The following HS6ST3 variants were observed in gnomAD, a reference collection of about 807,000 sequenced individuals.
The protein encoded by HS6ST3 is heparan sulfate 6-O-sulfotransferase 3, also known as heparan-sulfate 6-O-sulfotransferase 3.
Under a neutral mutation model 36.7 loss-of-function variants are expected in HS6ST3, and 12 were observed. The observed-to-expected ratio is 0.33, with a 90% CI of 0.21 to 0.53. The LOEUF (loss-of-function observed/expected upper bound fraction) is 0.53. HS6ST3 is among the 20% of genes least tolerant of loss of function. HS6ST3 has a pLI of 0.95. For missense variants in HS6ST3, 584 were observed against 640.9 expected (o/e 0.91, Z 0.96); for synonymous variants, 240 against 257.5 (o/e 0.93, Z 0.65).
chr13:96,519,575 A>G (rs879617773), intron 1 of HS6ST3, among the ~76,000 whole-genome samples: 7 of 152,230 alleles, frequency 4.6e-5, no homozygotes, highest in Admixed American at 4.6e-4. Flanking sequence ...AGATGAGTAA[A>G]TAATGGTTCT....
chr13:96,435,502 C>T (rs1566360307), intron 1 of HS6ST3, among the ~76,000 whole-genome samples: 1 of 152,150 alleles, frequency 6.6e-6, no homozygotes, highest in Non-Finnish European at 1.5e-5. Context: ...TGCTCCTTTC[C>T]CCATTTATTC....
At chr13:96,606,791 G>T (rs1172873422) in intron 1 of HS6ST3, among the ~76,000 whole-genome samples, 2 of 151,910 alleles carry the variant, frequency 1.3e-5, no homozygotes, top group Non-Finnish European at 2.9e-5. Context: ...TTTAAAAAAA[G>T]AAAGAACAGA....
chr13:96,157,421 A>G (rs2054115514), intron 1 of HS6ST3, among the ~76,000 whole-genome samples: 2 of 152,256 alleles, frequency 1.3e-5, no homozygotes, highest in Non-Finnish European at 2.9e-5. Flanking sequence ...GCTGGCAGGA[A>G]GAGATATTTC....
intron 1 of HS6ST3, among the ~76,000 whole-genome samples, chr13:96,230,921 A>G (rs996182390): frequency 1.5e-4 from 23 of 152,272 alleles, no homozygotes; most frequent in African/African-American, 5.5e-4. Context: ...AAACAGAAAG[A>G]CGTGAAGATA....
intron 1 of HS6ST3, among the ~76,000 whole-genome samples, chr13:96,329,228 T>C (rs2055051050): frequency 1.4e-5 from 2 of 147,390 alleles, no homozygotes; most frequent in South Asian, 4.5e-4. Context: ...TGCTAGCTTT[T>C]GAATGTGTTT....
intron 1 of HS6ST3, among the ~76,000 whole-genome samples, chr13:96,544,795 A>C (rs182257618): frequency 6.6e-6 from 1 of 152,232 alleles, no homozygotes; most frequent in African/African-American, 2.4e-5. Flanking sequence ...GTGAGTGGTA[A>C]ATTACTACGG....
At chr13:96,715,811 T>G (rs1875681445) in intron 1 of HS6ST3, among the ~76,000 whole-genome samples, 1 of 152,142 alleles carries the variant, frequency 6.6e-6, no homozygotes. Flanking sequence ...TCATATACAG[T>G]TTTAAGAAAC....
chr13:96,152,922 A>C (rs1566894648), intron 1 of HS6ST3, among the ~76,000 whole-genome samples: 1 of 152,156 alleles, frequency 6.6e-6, no homozygotes, highest in East Asian at 1.9e-4. Context: ...ATTGCTGTAC[A>C]CTTTTCTATA....
chr13:96,405,122 G>GT (rs2055471035), intron 1 of HS6ST3, among the ~76,000 whole-genome samples: 1 of 152,162 alleles, frequency 6.6e-6, no homozygotes, highest in African/African-American at 2.4e-5. Flanking sequence ...AAATTGCCCA[G>GT]TCTCAGGTAT....
At chr13:96,538,960 C>T (rs4362239) in intron 1 of HS6ST3, among the ~76,000 whole-genome samples, 23,732 of 152,050 alleles carry the variant, frequency 0.16, 2,440 homozygotes, top group African/African-American at 0.29. Context: ...ACAGATCCCT[C>T]GTTCTGTGTT....
intron 1 of HS6ST3, among the ~76,000 whole-genome samples, chr13:96,474,576 A>G (rs1464514361): frequency 6.6e-6 from 1 of 150,660 alleles, no homozygotes; most frequent in African/African-American, 2.4e-5. Flanking sequence ...AACAAAATAT[A>G]GCATTTGCTA....
At chr13:96,382,772 A>G (rs1206626597) in intron 1 of HS6ST3, among the ~76,000 whole-genome samples, 1 of 152,328 alleles carries the variant, frequency 6.6e-6, no homozygotes, top group East Asian at 1.9e-4. Context: ...CAATATTTGC[A>G]TCTGAAAAAT....
In HS6ST3 at chr13:96,801,014, C is replaced by A. The variant is rs143265881; in HGVS notation, c.708-31476C>A. 7.3e-3 allele frequency among the ~76,000 whole-genome samples: 1,109 copies of A among 152,236 alleles called. 9 individuals carry two copies. The highest frequency in any genetic ancestry group is 0.024 in the African/African-American group (1,008 of 41,560). ...TCTCAACCCAATCCAATCATGTTTT[C>A]ATCTCATGGCTCCCTAGAAATCCGT... On this transcript the variant is annotated intron_variant, in intron 1 of 1. Transcript: ENST00000376705.
At chr13:96,486,866 C>T (rs926754067) in intron 1 of HS6ST3, among the ~76,000 whole-genome samples, 2 of 152,106 alleles carry the variant, frequency 1.3e-5, no homozygotes, top group Non-Finnish European at 2.9e-5. Flanking sequence ...ACTAAGATGA[C>T]TAGCGTTATT....
At chr13:96,443,604 A>T (rs1186726479) in intron 1 of HS6ST3, among the ~76,000 whole-genome samples, 1 of 152,170 alleles carries the variant, frequency 6.6e-6, no homozygotes, top group Non-Finnish European at 1.5e-5. Flanking sequence ...GAATCATAAC[A>T]CAAATTTCTA....
Position 96,344,757 on chromosome 13 carries a change from G to T in HS6ST3, c.707+253188G>T, listed in dbSNP as rs2055145748. Among the ~76,000 whole-genome samples, 4 of 152,096 alleles carry T rather than the reference G, an allele frequency of 2.6e-5. No homozygotes were observed. The South Asian group carries it at 8.3e-4, about 32-fold the overall frequency. ...CTGTTTCTGTTTAATGAAGGTCATT[G>T]CTTGTGAACAATGTTGTTGTTCAGG... is the stretch of plus-strand genomic sequence containing the variant. On this transcript the variant is annotated intron_variant, in intron 1 of 1. Transcript: ENST00000376705.
At chr13:96,645,416 A>C (rs1020944174) in intron 1 of HS6ST3, among the ~76,000 whole-genome samples, 1 of 151,498 alleles carries the variant, frequency 6.6e-6, no homozygotes, top group Admixed American at 6.6e-5. Flanking sequence ...AATGGAATCT[A>C]TAAGAGTCAT....
intron 1 of HS6ST3, among the ~76,000 whole-genome samples, chr13:96,193,490 C>T (rs978298512): frequency 7.2e-5 from 11 of 152,026 alleles, no homozygotes; most frequent in Non-Finnish European, 1.2e-4. Context: ...AGCTGTGAAA[C>T]ATGCTGGGGG....
At chr13:96,487,768 A>G (rs534273437) in intron 1 of HS6ST3, among the ~76,000 whole-genome samples, 2 of 152,258 alleles carry the variant, frequency 1.3e-5, no homozygotes, top group South Asian at 2.1e-4. Flanking sequence ...GACCATTCAT[A>G]TTTGGCTTAT....
Sources: allele counts gnomAD v4.1 joint callset (sites outside exome capture counted in the v4.1 genomes callset), GRCh38; gene constraint gnomAD v4.1.1; transcripts MANE v1.5; gene names NCBI Gene and HGNC (gene_info 2026-07-23, HGNC 2026-07-21).